SCRN1: variants seen among roughly 807,000 people sequenced by gnomAD.
SCRN1 encodes the protein secernin 1.
A neutral mutation model predicts 43.3 loss-of-function variants in SCRN1; 19 were observed. The observed-to-expected ratio is 0.44, with a 90% CI of 0.31 to 0.64. The LOEUF (loss-of-function observed/expected upper bound fraction) is 0.64. Ranked by LOEUF, SCRN1 falls within the 30% of genes least tolerant of loss-of-function variation. The pLI, the probability that SCRN1 is intolerant of heterozygous loss-of-function variation, is 0.09. For synonymous variants in SCRN1, 183 were observed against 188.9 expected, an observed-to-expected ratio of 0.97 and a Z score of 0.26; for missense variants, 447 against 524.1, an observed-to-expected ratio of 0.85 and a Z score of 1.44.
chr7:29,929,246 C>T (rs1468404908), intron 6 of SCRN1, among the ~76,000 whole-genome samples: 5 of 152,188 alleles, frequency 3.3e-5, no homozygotes, highest in South Asian at 2.1e-4. Flanking sequence ...CAGGGCTCTG[C>T]GCTGGGCAGA....
At chr7:29,989,020 G>C (rs1210893966) in intron 1 of SCRN1, 2 of 152,094 alleles carry the variant, frequency 1.3e-5, no homozygotes, top group African/African-American at 4.8e-5. Flanking sequence ...AGAACGCCCG[G>C]GTGCGGCTCG....
chr7:29,933,825 C>T (rs1411098236), intron 6 of SCRN1, among the ~76,000 whole-genome samples: 1 of 152,162 alleles, frequency 6.6e-6, no homozygotes, highest in East Asian at 1.9e-4. Flanking sequence ...AGTGTCCAGG[C>T]AGGCAGAACA....
chr7:29,990,211 C>T (rs1470350765), upstream of SCRN1: 2 of 1,551,526 alleles, frequency 1.3e-6, no homozygotes, highest in South Asian at 1.2e-5. Flanking sequence ...AAGTCGAGTC[C>T]CTGGTTTTAA....
intron 1 of SCRN1, among the ~76,000 whole-genome samples, chr7:29,985,595 T>C (rs117738800): frequency 0.01 from 1,550 of 152,036 alleles, 28 homozygotes; most frequent in Non-Finnish European, 0.013. Context: ...TGTGTCAGAA[T>C]GAGGAAGTTA....
intron 1 of SCRN1, among the ~76,000 whole-genome samples, chr7:29,985,676 G>A (rs147171553): frequency 1.1e-4 from 16 of 152,230 alleles, no homozygotes; most frequent in African/African-American, 3.6e-4. Flanking sequence ...CACCACCATA[G>A]ACCCTGACAC....
At chr7:29,989,933 C>G (rs1468686493), upstream of SCRN1, 22 of 1,200,658 alleles carry the variant, frequency 1.8e-5, no homozygotes, top group Non-Finnish European at 2.1e-5. Context: ...CGGGCCGCGG[C>G]GCTGCTCACC....
chr7:29,931,358 A>C (rs957606876), intron 6 of SCRN1, among the ~76,000 whole-genome samples: 1 of 152,204 alleles, frequency 6.6e-6, no homozygotes, highest in Non-Finnish European at 1.5e-5. Flanking sequence ...ATGCTGTTCT[A>C]GGTACTAGGG....
At position 29,959,994 on chromosome 7, in the gene SCRN1, AAAGG is replaced by A. The variant is rs200431068; in HGVS notation, c.160-4638_160-4635del. 2.0e-3 allele frequency among the ~76,000 whole-genome samples: 239 copies of A among 120,462 alleles called. 1 individual carries two copies. Among genetic ancestry groups the A allele is most frequent in the Non-Finnish European group, 3.3e-3 (193 of 58,112 alleles). The allele number at this position is 120,462 out of a possible 152,430, so 79.0% of individuals were successfully genotyped here. A position where few individuals can be genotyped will look rare whatever the true frequency, so the allele number is the denominator to read the frequency against. On this transcript the variant is annotated intron_variant, in intron 2 of 7. Transcript: ENST00000242059. ...GAGGGAGGGAAGGAAGAAAGGAAGG[AAAGG>A]AAGGAAGGAAGGGAGGGAGGGAGGG... is the stretch of plus-strand genomic sequence containing the variant.
In SCRN1 at chr7:29,922,640, T is replaced by G. The variant is rs1251645258; in HGVS notation, c.*1317A>C. 6.6e-6 allele frequency: 1 copy of G among 152,270 alleles called. No homozygotes were observed. Among genetic ancestry groups the G allele is most frequent in the African/African-American group, 2.4e-5 (1 of 41,454 alleles). 9.4% of individuals were successfully genotyped at this position (152,270 alleles called of 1,614,324 possible). Reference sequence around the variant, plus strand: ...ACCACCACCCCATGCCCAGTGCAGCTACCCGCCTGAATGAAGGCAGCTCCT... The same window carrying G: ...ACCACCACCCCATGCCCAGTGCAGCGACCCGCCTGAATGAAGGCAGCTCCT... On this transcript the variant is annotated 3_prime_UTR_variant, in exon 8 of 8. Coordinates refer to ENST00000242059, the MANE Select transcript of SCRN1 (RefSeq NM_014766.5).
chr7:29,970,849 A>G (rs1473701070), intron 1 of SCRN1, among the ~76,000 whole-genome samples: 2 of 152,176 alleles, frequency 1.3e-5, no homozygotes, highest in Non-Finnish European at 2.9e-5. Context: ...AGACTTCTAT[A>G]AAGGACTCTC....
At chr7:29,953,184 T>C (rs1788015055) in intron 3 of SCRN1, among the ~76,000 whole-genome samples, 1 of 152,252 alleles carries the variant, frequency 6.6e-6, no homozygotes, top group Non-Finnish European at 1.5e-5. Flanking sequence ...TCACGTGGCA[T>C]CAAATCTCAG....
intron 6 of SCRN1, among the ~76,000 whole-genome samples, chr7:29,936,293 G>C (rs1787323160): frequency 6.6e-6 from 1 of 152,130 alleles, no homozygotes; most frequent in East Asian, 1.9e-4. Flanking sequence ...GTAACGGTAA[G>C]GACCACAATT....
intron 1 of SCRN1, among the ~76,000 whole-genome samples, chr7:29,985,453 A>T (rs1436475079): frequency 1.3e-5 from 2 of 151,920 alleles, no homozygotes; most frequent in African/African-American, 4.8e-5. Context: ...GAGACTGATA[A>T]GTGGTGTGCT....
chr7:29,944,662 CAAAAAA>C (rs397729276), intron 3 of SCRN1, among the ~76,000 whole-genome samples: 1 of 77,784 alleles, frequency 1.3e-5, no homozygotes. Flanking sequence ...GACCCTGTCT[CAAAAAA>C]AAAAAAAAAA....
At chr7:29,961,830 C>A (rs963557157) in intron 2 of SCRN1, among the ~76,000 whole-genome samples, 5 of 151,916 alleles carry the variant, frequency 3.3e-5, no homozygotes, top group African/African-American at 1.2e-4. Flanking sequence ...GGGGGGCTGA[C>A]CCCCCCACTG....
rs1158179608 is a variant in SCRN1 at position 29,989,671 on chromosome 7, CCGCTCTG to C, written c.-38_-32del. ...GGCGGCGGGCTCCGGGCTCCGCTCT[CCGCTCTG>C]CGGTGCTGAGGCTGCGGCCGCCGAG... On this transcript the variant is annotated 5_prime_UTR_variant, in exon 1 of 8. Coordinates refer to ENST00000242059, the MANE Select transcript of SCRN1 (RefSeq NM_014766.5). The C allele has an allele frequency of 2.9e-5, 29 of 985,774 alleles. No homozygotes were observed. The South Asian group carries it at 1.1e-3, about 38-fold the overall frequency. The allele number at this position is 985,774 out of a possible 1,614,324, so 61.1% of individuals were successfully genotyped here.
rs1788467212 is a variant in SCRN1 at position 29,965,796 on chromosome 7, G to A, written c.159+3113C>T. Among the ~76,000 whole-genome samples the A allele has an allele frequency of 6.6e-6, 1 of 152,108 alleles. No individual in the cohort carries two copies. Among genetic ancestry groups the A allele is most frequent in the Non-Finnish European group, 1.5e-5 (1 of 68,028 alleles). ...GTAATCATATACCATAGGTTAACTAGCAAAAGGAATCTAGCCTCGTCCTTA... is the reference window on the plus strand; with the variant it reads ...GTAATCATATACCATAGGTTAACTAACAAAAGGAATCTAGCCTCGTCCTTA... On this transcript the variant is annotated intron_variant, in intron 2 of 7. Coordinates refer to ENST00000242059, the MANE Select transcript of SCRN1 (RefSeq NM_014766.5). This position sits in a 1 kb window ranked among gnomAD's most constrained non-coding sequence, Gnocchi z 4.2.
At chr7:29,970,360 A>G (rs993424033) in intron 1 of SCRN1, among the ~76,000 whole-genome samples, 1 of 150,782 alleles carries the variant, frequency 6.6e-6, no homozygotes, top group Non-Finnish European at 1.5e-5. Context: ...TGTCCTCACC[A>G]CTCCCTTCCC....
intron 5 of SCRN1, among the ~76,000 whole-genome samples, chr7:29,940,315 A>C (rs565868703): frequency 8.5e-5 from 13 of 152,332 alleles, no homozygotes; most frequent in South Asian, 6.2e-4. Flanking sequence ...AGTAAGAGAC[A>C]ACACCTCTGC....
Sources: allele counts gnomAD v4.1 joint callset (sites outside exome capture counted in the v4.1 genomes callset), GRCh38; gene constraint gnomAD v4.1.1; non-coding constraint Gnocchi (gnomAD v3.1); transcripts MANE v1.5; gene names NCBI Gene and HGNC (gene_info 2026-07-23, HGNC 2026-07-21).